NCK2: variants seen among roughly 807,000 people sequenced by gnomAD.
NCK2 encodes the protein NCK adaptor protein 2.
Under a neutral mutation model 33.9 loss-of-function variants are expected in NCK2, and 16 were observed. That is an observed-to-expected ratio of 0.47 (90% CI 0.32 to 0.72). NCK2 has a LOEUF of 0.72. Ranked by LOEUF, NCK2 falls within the 30% of genes least tolerant of loss-of-function variation. The pLI, the probability that NCK2 is intolerant of heterozygous loss-of-function variation, is 0.03. For synonymous variants in NCK2, 273 were observed against 239.9 expected, an observed-to-expected ratio of 1.14 and a Z score of -1.27; for missense variants, 418 against 537.3, an observed-to-expected ratio of 0.78 and a Z score of 2.19.
At chr2:105,800,457 G>A (rs1674787104) in intron 1 of NCK2, among the ~76,000 whole-genome samples, 1 of 152,230 alleles carries the variant, frequency 6.6e-6, no homozygotes, top group Non-Finnish European at 1.5e-5. Context: ...ATGAAATTCT[G>A]AGGTGCACAG....
chr2:105,852,925 C>T (rs562622691), intron 2 of NCK2, among the ~76,000 whole-genome samples: 3 of 152,192 alleles, frequency 2.0e-5, no homozygotes, highest in South Asian at 2.1e-4. Context: ...CAGAGGCTTT[C>T]CTCCTTCCCA....
chr2:105,826,697 TTC>T (rs1405832784), intron 2 of NCK2, among the ~76,000 whole-genome samples: 1 of 152,180 alleles, frequency 6.6e-6, no homozygotes, highest in Non-Finnish European at 1.5e-5. Flanking sequence ...CACAGTATCC[TTC>T]TCTCTCAATT....
intron 1 of NCK2, among the ~76,000 whole-genome samples, chr2:105,811,616 A>C (rs1216659503): frequency 6.6e-6 from 1 of 152,104 alleles, no homozygotes; most frequent in Non-Finnish European, 1.5e-5. Context: ...TGAGGCCCTG[A>C]GTTTTGGGTT....
chr2:105,758,982 T>C (rs1031232253), intron 1 of NCK2, among the ~76,000 whole-genome samples: 5 of 152,198 alleles, frequency 3.3e-5, no homozygotes, highest in Non-Finnish European at 5.9e-5. Flanking sequence ...TCCCTTAGCT[T>C]TTGGTGACAT....
At chr2:105,752,767 T>C (rs1689491369) in intron 1 of NCK2, among the ~76,000 whole-genome samples, 1 of 152,254 alleles carries the variant, frequency 6.6e-6, no homozygotes, top group South Asian at 2.1e-4. Context: ...GCAAAAGATA[T>C]GATTTCATTG....
At chr2:105,890,133 C>T (rs1330354388) in intron 4 of NCK2, among the ~76,000 whole-genome samples, 1 of 152,148 alleles carries the variant, frequency 6.6e-6, no homozygotes, top group African/African-American at 2.4e-5. Context: ...ATTGGTTCTA[C>T]ATCCTTAACT....
chr2:105,764,560 G>C (rs1156866742), intron 1 of NCK2, among the ~76,000 whole-genome samples: 1 of 152,182 alleles, frequency 6.6e-6, no homozygotes, highest in African/African-American at 2.4e-5. Flanking sequence ...CCCAGGTGGG[G>C]TTTCAGCAGT....
intron 4 of NCK2, among the ~76,000 whole-genome samples, chr2:105,889,719 G>T (rs1678894225): frequency 6.6e-6 from 1 of 151,936 alleles, no homozygotes; most frequent in Admixed American, 6.6e-5. Context: ...AAGTAGCTGG[G>T]ACCACAGGTA....
At chr2:105,813,108 G>T (rs1008571199) in intron 1 of NCK2, among the ~76,000 whole-genome samples, 1 of 152,202 alleles carries the variant, frequency 6.6e-6, no homozygotes, top group African/African-American at 2.4e-5. Context: ...TCAAATTCTG[G>T]TTGTGAGACA....
chr2:105,866,542 A>G (rs552144447), intron 3 of NCK2, among the ~76,000 whole-genome samples: 17 of 152,318 alleles, frequency 1.1e-4, no homozygotes, highest in African/African-American at 4.1e-4. Context: ...GATCATCAGC[A>G]TTAGATAGAT....
intron 2 of NCK2, among the ~76,000 whole-genome samples, chr2:105,848,150 C>T (rs1676924783): frequency 2.0e-5 from 3 of 152,202 alleles, no homozygotes; most frequent in Non-Finnish European, 2.9e-5. Context: ...AACACTTGTC[C>T]AGCACAGACT....
chr2:105,871,685 G>A (rs370892024), intron 3 of NCK2, among the ~76,000 whole-genome samples: 137 of 152,156 alleles, frequency 9.0e-4, no homozygotes, highest in African/African-American at 3.2e-3. Flanking sequence ...AGTAGAGACG[G>A]GGTTTCACCA....
rs4012805 is a variant in NCK2, at chr2:105,893,999, G to GCACACACACA, written c.*835_*844dup. 6.7e-6 allele frequency: 1 copy of GCACACACACA among 149,480 alleles called. No individual in the cohort carries two copies. The highest frequency in any genetic ancestry group is 2.5e-5 in the African/African-American group (1 of 40,456). The allele number at this position is 149,480 out of a possible 1,614,324, so 9.3% of individuals were successfully genotyped here. A position where few individuals can be genotyped will look rare whatever the true frequency, so the allele number is the denominator to read the frequency against. Reference sequence around the variant, plus strand: ...CAACACTTTATACACACACACACGTGCACACACACACACACACACACTATA... The same window carrying GCACACACACA: ...CAACACTTTATACACACACACACGTGCACACACACACACACACACACACACACACACTATA... On this transcript the variant is annotated 3_prime_UTR_variant, in exon 5 of 5. Coordinates refer to ENST00000233154, the MANE Select transcript of NCK2 (RefSeq NM_003581.5).
chr2:105,834,659 TTC>T (rs1676321324), intron 2 of NCK2, among the ~76,000 whole-genome samples: 1 of 152,130 alleles, frequency 6.6e-6, no homozygotes, highest in Non-Finnish European at 1.5e-5. Context: ...GGGTTTTTTT[TTC>T]AATTTTAATT....
chr2:105,789,309 T>G (rs1690792719), intron 1 of NCK2, among the ~76,000 whole-genome samples: 1 of 152,142 alleles, frequency 6.6e-6, no homozygotes, highest in Non-Finnish European at 1.5e-5. Flanking sequence ...TGCCTCAGCC[T>G]CCTGAGTAGC....
At chr2:105,833,039 T>C (rs1274092146) in intron 2 of NCK2, among the ~76,000 whole-genome samples, 6 of 150,256 alleles carry the variant, frequency 4.0e-5, no homozygotes, top group Admixed American at 1.3e-4. Context: ...GTCTTGTTGC[T>C]CATTATTAGT....
chr2:105,804,954 T>C (rs1453518122), intron 1 of NCK2, among the ~76,000 whole-genome samples: 1 of 152,198 alleles, frequency 6.6e-6, no homozygotes, highest in Admixed American at 6.5e-5. Context: ...CAGCTGATCT[T>C]ATAGATGGAA....
At chr2:105,761,869 C>G (rs1403526654) in intron 1 of NCK2, among the ~76,000 whole-genome samples, 6 of 152,128 alleles carry the variant, frequency 3.9e-5, no homozygotes, top group Admixed American at 3.9e-4. Flanking sequence ...GACAGTGAGA[C>G]CAAAAAAGAC....
intron 2 of NCK2, among the ~76,000 whole-genome samples, chr2:105,846,116 A>G (rs1428420981): frequency 6.6e-6 from 1 of 152,202 alleles, no homozygotes; most frequent in Non-Finnish European, 1.5e-5. Context: ...CCTTCCTCCC[A>G]GTGTGATTAG....
Sources: allele counts gnomAD v4.1 joint callset (sites outside exome capture counted in the v4.1 genomes callset), GRCh38; gene constraint gnomAD v4.1.1; transcripts MANE v1.5; gene names NCBI Gene and HGNC (gene_info 2026-07-23, HGNC 2026-07-21).